The following SYN3 variants were observed in gnomAD, a reference collection of about 807,000 sequenced individuals.
SYN3 encodes synapsin III, also known as synapsin-3.
In SYN3, 35 loss-of-function variants were observed where a neutral mutation model predicts 65.8. The observed-to-expected ratio is 0.53, with a 90% CI of 0.41 to 0.70. SYN3 has a LOEUF of 0.70. Ranked by LOEUF, SYN3 falls within the 30% of genes least tolerant of loss-of-function variation. SYN3 has a pLI of 0.00. For missense variants in SYN3, 680 were observed against 749.0 expected, an observed-to-expected ratio of 0.91 and a Z score of 1.08; for synonymous variants, 270 against 292.9, an observed-to-expected ratio of 0.92 and a Z score of 0.80.
chr22:32,877,771 T>A (rs2049021668), intron 4 of SYN3, among the ~76,000 whole-genome samples: 1 of 152,082 alleles, frequency 6.6e-6, no homozygotes, highest in Non-Finnish European at 1.5e-5. Context: ...GCTCCTTCAC[T>A]GTTTTCTCCC....
intron 6 of SYN3, among the ~76,000 whole-genome samples, chr22:32,635,744 C>G (rs752111837): frequency 6.6e-6 from 1 of 152,184 alleles, no homozygotes; most frequent in Non-Finnish European, 1.5e-5. Context: ...TTCTCCAAAT[C>G]AGATGGAGGA....
intron 9 of SYN3, 51 bp from the exon 10 acceptor site, chr22:32,533,946 CG>C: frequency 7.6e-7 from 1 of 1,314,280 alleles, no homozygotes; most frequent in Non-Finnish European, 1.1e-6. Context: ...AGTGGGGAAG[CG>C]GGTAGAGGGA....
At chr22:32,767,077 C>T (rs776104458) in intron 6 of SYN3, among the ~76,000 whole-genome samples, 12 of 152,128 alleles carry the variant, frequency 7.9e-5, no homozygotes, top group Admixed American at 1.3e-4. Context: ...AGAATGAATC[C>T]TATTCTCCAA....
At chr22:32,871,513 GTCTC>G (rs1027672779) in intron 4 of SYN3, among the ~76,000 whole-genome samples, 3 of 152,162 alleles carry the variant, frequency 2.0e-5, no homozygotes, top group African/African-American at 7.2e-5. Context: ...CTCAAAAGGC[GTCTC>G]TCTTTCTGAC....
In SYN3 at chr22:32,687,611, C is replaced by T. The variant is rs890141088; in HGVS notation, c.712-90875G>A. 5.9e-5 allele frequency among the ~76,000 whole-genome samples: 9 copies of T among 152,156 alleles called. No homozygotes were observed. The East Asian group carries it at 7.7e-4, about 13-fold the overall frequency. ...GGTCCTGTCATTCTTCTGCTTAAAA[C>T]TTTGGTTGGTTTCCAAAGAGTAGAT... On this transcript the variant is annotated intron_variant, in intron 6 of 13. Transcript: ENST00000358763.
chr22:32,727,613 G>A (rs1269090666), intron 6 of SYN3, among the ~76,000 whole-genome samples: 1 of 152,198 alleles, frequency 6.6e-6, no homozygotes, highest in African/African-American at 2.4e-5. Context: ...CGGTGTAAAA[G>A]TGTTCTTTTC....
chr22:32,734,753 G>C (rs763128853), intron 6 of SYN3, among the ~76,000 whole-genome samples: 6 of 152,128 alleles, frequency 3.9e-5, no homozygotes, highest in Non-Finnish European at 8.8e-5. Context: ...ATTCCCCCTA[G>C]GTCTTGGGCT....
At chr22:32,565,173 A>ACTGCACCCAAACAGTGCTCCTGGG (rs1468488495) in intron 7 of SYN3, among the ~76,000 whole-genome samples, 28 of 139,348 alleles carry the variant, frequency 2.0e-4, no homozygotes, top group African/African-American at 7.2e-4. Context: ...GTGCTCTCGG[A>ACTGCACCCAAACAGTGCTCCTGGG]CTGCACCCAA....
intron 6 of SYN3, among the ~76,000 whole-genome samples, chr22:32,806,470 G>T (rs1321127678): frequency 2.0e-5 from 3 of 152,146 alleles, no homozygotes; most frequent in Non-Finnish European, 2.9e-5. Flanking sequence ...GGACAAGGAG[G>T]CCCCTTCTTC....
chr22:32,682,775 T>G (rs1601906239), intron 6 of SYN3, among the ~76,000 whole-genome samples: 1 of 152,066 alleles, frequency 6.6e-6, no homozygotes, highest in African/African-American at 2.4e-5. Context: ...ACCAATAGGG[T>G]GGATGCCTGG....
At chr22:32,604,022 A>T (rs1196971456) in intron 6 of SYN3, among the ~76,000 whole-genome samples, 2 of 152,198 alleles carry the variant, frequency 1.3e-5, no homozygotes, top group East Asian at 3.9e-4. Context: ...TTCCCTTGGG[A>T]GGATTAGAGA....
At chr22:33,030,589 A>G (rs2053732719) in intron 1 of SYN3, among the ~76,000 whole-genome samples, 1 of 151,782 alleles carries the variant, frequency 6.6e-6, no homozygotes. Context: ...ACAGAGAGAG[A>G]GAGAGACAGA....
At chr22:32,740,506 C>A (rs899025700) in intron 6 of SYN3, among the ~76,000 whole-genome samples, 2 of 152,130 alleles carry the variant, frequency 1.3e-5, no homozygotes, top group Admixed American at 6.5e-5. Flanking sequence ...GATGGAACAG[C>A]ATATGCAAAA....
At chr22:32,686,303 C>T (rs1225779112) in intron 6 of SYN3, among the ~76,000 whole-genome samples, 2 of 151,588 alleles carry the variant, frequency 1.3e-5, no homozygotes, top group African/African-American at 4.9e-5. Flanking sequence ...GAGTCTGTAT[C>T]CTGCAGTGAC....
rs1435302062 is a variant in SYN3 at position 32,881,334 on chromosome 22, A to G, written c.462-12209T>C. On this transcript the variant is annotated intron_variant, in intron 4 of 13. Coordinates refer to ENST00000358763, the MANE Select transcript of SYN3 (RefSeq NM_003490.4). Reference sequence around the variant, plus strand: ...AAACCCAGGCCAGGCGCTAATATGTACTTATACCCAAGGCCTTCCCCACAC... The same window carrying G: ...AAACCCAGGCCAGGCGCTAATATGTGCTTATACCCAAGGCCTTCCCCACAC... Among the ~76,000 whole-genome samples the G allele has an allele frequency of 3.9e-5, 6 of 152,120 alleles. No individual in the cohort carries two copies. The East Asian group carries it at 1.2e-3, about 29-fold the overall frequency.
intron 7 of SYN3, among the ~76,000 whole-genome samples, chr22:32,559,752 C>G (rs901301945): frequency 3.3e-5 from 5 of 151,760 alleles, no homozygotes; most frequent in African/African-American, 4.8e-5. Context: ...ATGGTGTGAA[C>G]CTGGGAGGCA....
chr22:32,804,478 G>T (rs1164751935), intron 6 of SYN3, among the ~76,000 whole-genome samples: 4 of 152,194 alleles, frequency 2.6e-5, no homozygotes, highest in East Asian at 1.9e-4. Flanking sequence ...CCCCCTAAAG[G>T]TGTTCACATC....
intron 6 of SYN3, among the ~76,000 whole-genome samples, chr22:32,788,686 A>T (rs2046252577): frequency 1.3e-5 from 2 of 150,378 alleles, no homozygotes; most frequent in Admixed American, 1.3e-4. Context: ...ATACTATACC[A>T]TTTTATATCA....
intron 6 of SYN3, among the ~76,000 whole-genome samples, chr22:32,839,836 A>G (rs2047842399): frequency 6.6e-6 from 1 of 152,072 alleles, no homozygotes; most frequent in African/African-American, 2.4e-5. Flanking sequence ...AGGAAGCCTG[A>G]CCTTCCTAAG....
Sources: allele counts gnomAD v4.1 joint callset (sites outside exome capture counted in the v4.1 genomes callset), GRCh38; gene constraint gnomAD v4.1.1; transcripts MANE v1.5; gene names NCBI Gene and HGNC (gene_info 2026-07-23, HGNC 2026-07-21).